The following KIAA0586 variants were observed in gnomAD, a reference collection of about 807,000 sequenced individuals.
KIAA0586 encodes KIAA0586.
Under a neutral mutation model 169.8 loss-of-function variants are expected in KIAA0586, and 144 were observed. The ratio of observed to expected loss-of-function variants is 0.85; its 90% confidence interval spans 0.74 to 0.97. KIAA0586 has a LOEUF of 0.97. Ranked by LOEUF, KIAA0586 falls within the 50% of genes least tolerant of loss-of-function variation. The pLI, the probability that KIAA0586 is intolerant of heterozygous loss-of-function variation, is 0.00. For missense variants in KIAA0586, 1,854 were observed against 1,823.0 expected, an observed-to-expected ratio of 1.02 and a Z score of -0.31; for synonymous variants, 625 against 612.4, an observed-to-expected ratio of 1.02 and a Z score of -0.30.
At chr14:58,460,758 A>G (rs777580791) in intron 13 of KIAA0586, among the ~76,000 whole-genome samples, 115 of 152,192 alleles carry the variant, frequency 7.6e-4, no homozygotes, top group Non-Finnish European at 1.5e-3. Context: ...ATACTTAGTA[A>G]TGTAAAAATT....
At chr14:58,471,266 C>A (rs2041194538) in intron 17 of KIAA0586, among the ~76,000 whole-genome samples, 1 of 81,178 alleles carries the variant, frequency 1.2e-5, no homozygotes, top group Non-Finnish European at 2.9e-5. Context: ...AGTTGTGAAA[C>A]TCTCATGTGA....
chr14:58,486,757 ACTT>A (rs1276737922), intron 21 of KIAA0586, among the ~76,000 whole-genome samples: 1 of 152,218 alleles, frequency 6.6e-6, no homozygotes, highest in Non-Finnish European at 1.5e-5. Context: ...AACGTAAATT[ACTT>A]CTTCTCTATT....
intron 16 of KIAA0586, among the ~76,000 whole-genome samples, chr14:58,468,645 C>T (rs997517593): frequency 6.6e-6 from 1 of 152,142 alleles, no homozygotes; most frequent in Non-Finnish European, 1.5e-5. Context: ...ACCCTTCGGC[C>T]TGGGATCCAG....
At chr14:58,493,108 G>A (rs1410225286) in intron 26 of KIAA0586, among the ~76,000 whole-genome samples, 1 of 152,162 alleles carries the variant, frequency 6.6e-6, no homozygotes, top group Non-Finnish European at 1.5e-5. Context: ...CACCACTGGA[G>A]TAGTCCCAGC....
intron 17 of KIAA0586, among the ~76,000 whole-genome samples, chr14:58,471,407 A>G (rs964162937): frequency 1.3e-5 from 2 of 152,226 alleles, no homozygotes; most frequent in South Asian, 4.1e-4. Flanking sequence ...CACTGTTGAC[A>G]TGATACAAAA....
At chr14:58,482,749 T>TA in intron 21 of KIAA0586, 37 bp downstream of exon 21, 1 of 1,401,816 alleles carries the variant, frequency 7.1e-7, no homozygotes. Context: ...TGAAGAATAG[T>TA]AAAATAGATG....
At position 58,488,654 on chromosome 14, in the gene KIAA0586, G is replaced by A. The variant is rs754515015; in HGVS notation, c.3561G>A (p.Glu1187=). 8.1e-6 allele frequency: 13 copies of A among 1,613,752 alleles called. No individual in the cohort carries two copies. Among genetic ancestry groups the A allele is most frequent in the Non-Finnish European group, 1.1e-5 (13 of 1,179,840 alleles). Residue 1187 remains glutamate (E), a synonymous_variant, in exon 24 of 31, where the codon GAG becomes GAA. Transcript: ENST00000652326. ...VMSVAKDEEP[E]SMDFPAQPPP... ...CTGTGGCTAAGGATGAAGAACCAGA[G>A]AGTATGGATTTCCCTGCTCAGCCTC...
intron 30 of KIAA0586, among the ~76,000 whole-genome samples, chr14:58,542,881 C>T (rs1246576386): frequency 6.6e-6 from 1 of 152,086 alleles, no homozygotes; most frequent in Non-Finnish European, 1.5e-5. Flanking sequence ...GTGGCTCACA[C>T]CTGTAATCCC....
chr14:58,560,657 A>G, the KIAA0586 span, among the ~76,000 whole-genome samples: 4 of 152,256 alleles, frequency 2.6e-5, 1 homozygote. Context: ...GATGTCCTTA[A>G]CTCAGGAAAC....
At chr14:58,456,000 C>T (rs1226273887) in intron 9 of KIAA0586, among the ~76,000 whole-genome samples, 1 of 149,720 alleles carries the variant, frequency 6.7e-6, no homozygotes. Flanking sequence ...AGTGTCACTA[C>T]CTCACGCTGC....
chr14:58,512,546 G>T lies in KIAA0586; in HGVS notation c.4348G>T (p.Val1450Phe), dbSNP rs779883999. Reference protein sequence around the residue: ...SQYQLKQNQDVKQVEHKPSQS... With the variant: ...SQYQLKQNQDFKQVEHKPSQS... ...GTACCAACTAAAGCAAAATCAGGAT[G>T]TTAAGCAAGTTGAACACAAACCATC... Residue 1450 changes from valine (V) to phenylalanine (F), a missense_variant, in exon 29 of 31, where the codon GTT (valine) becomes TTT (phenylalanine). By Grantham distance (50) the Val-to-Phe change is conservative. Coordinates refer to ENST00000652326, the MANE Select transcript of KIAA0586 (RefSeq NM_001329943.3). The T allele has an allele frequency of 1.3e-6, 2 of 1,538,186 alleles. No individual in the cohort carries two copies. The highest frequency in any genetic ancestry group is 1.7e-6 in the Non-Finnish European group (2 of 1,149,526).
chr14:58,456,770 A>G lies in KIAA0586; in HGVS notation c.1322A>G (p.Asp441Gly), dbSNP rs751800902. 39 of 1,604,158 alleles carry G rather than the reference A, an allele frequency of 2.4e-5. 1 individual carries two copies. In the South Asian group the frequency reaches 4.2e-4, roughly 17 times the overall value. ...TMQKSDDVLH[D>G]LGQKEKETNS... ...CAGAAGTCTGATGATGTTCTTCATG[A>G]CCTTGGCCAAAAAGAGAAAGAAACA... The change falls in exon 10 of 31, where the codon GAC becomes GGC. Residue 441 changes from aspartate to glycine, a missense_variant. Coordinates refer to ENST00000652326, the MANE Select transcript of KIAA0586 (RefSeq NM_001329943.3).
chr14:58,506,445 G>A (rs1007092606), intron 27 of KIAA0586, among the ~76,000 whole-genome samples: 5 of 152,040 alleles, frequency 3.3e-5, no homozygotes, highest in Non-Finnish European at 5.9e-5. Flanking sequence ...TTGGGAGAAC[G>A]AGGTGAGCGG....
rs186867669 is a variant in KIAA0586, at chr14:58,457,186, G to C, written c.1362+376G>C. Reference sequence around the variant, plus strand: ...TTTATTTTGCTTTCTTCAGCAGAGAGAGAGAGCTATTATTGGTCGCTGGAC... The same window carrying C: ...TTTATTTTGCTTTCTTCAGCAGAGACAGAGAGCTATTATTGGTCGCTGGAC... On this transcript the variant is annotated intron_variant, in intron 10 of 30. Transcript: ENST00000652326. Among the ~76,000 whole-genome samples the C allele has an allele frequency of 1.7e-3, 259 of 152,328 alleles. 3 individuals are homozygous for C. Among genetic ancestry groups the C allele is most frequent in the African/African-American group, 6.1e-3 (255 of 41,580 alleles).
At chr14:58,480,470 C>G (rs1381655873) in intron 20 of KIAA0586, among the ~76,000 whole-genome samples, 1 of 152,040 alleles carries the variant, frequency 6.6e-6, no homozygotes, top group Non-Finnish European at 1.5e-5. Flanking sequence ...CCAGTTTCCT[C>G]CTGACATTAG....
At chr14:58,471,539 G>A (rs2140995150) in intron 17 of KIAA0586, among the ~76,000 whole-genome samples, 1 of 152,220 alleles carries the variant, frequency 6.6e-6, no homozygotes, top group South Asian at 2.1e-4. Flanking sequence ...TTGGCCAAGG[G>A]TACAGTTTTA....
intron 20 of KIAA0586, among the ~76,000 whole-genome samples, chr14:58,477,769 C>T (rs1322879059): frequency 1.3e-5 from 2 of 150,254 alleles, no homozygotes; most frequent in Middle Eastern, 3.5e-3. Context: ...TTCTTTTCTT[C>T]CTCTTCTTTT....
Position 58,448,583 on chromosome 14 carries a change from A to G in KIAA0586, c.961+90A>G, listed in dbSNP as rs531988580. The G allele has an allele frequency of 5.0e-5, 43 of 860,030 alleles. No individual in the cohort carries two copies. In the South Asian group the frequency reaches 1.5e-3, roughly 30 times the overall value. 53.3% of individuals were successfully genotyped at this position (860,030 alleles called of 1,614,324 possible). A position where few individuals can be genotyped will look rare whatever the true frequency, so the allele number is the denominator to read the frequency against. On this transcript the variant is annotated intron_variant, in intron 7 of 30. Coordinates refer to ENST00000652326, the MANE Select transcript of KIAA0586 (RefSeq NM_001329943.3). ...GCTGAAAACATATTTCCTGAGCAGT[A>G]GGAGTTTTTGTTTTATAAAATTTAT...
At chr14:58,528,222 C>A (rs892835810) in intron 29 of KIAA0586, among the ~76,000 whole-genome samples, 7 of 152,184 alleles carry the variant, frequency 4.6e-5, no homozygotes, top group Non-Finnish European at 8.8e-5. Context: ...TAGAGACCTA[C>A]AAAGAGACTT....
Sources: allele counts gnomAD v4.1 joint callset (sites outside exome capture counted in the v4.1 genomes callset), GRCh38; gene constraint gnomAD v4.1.1; transcripts MANE v1.5; gene names NCBI Gene and HGNC (gene_info 2026-07-23, HGNC 2026-07-21).